Variants in TCAF1 observed in about 807,000 individuals in gnomAD.
The protein encoded by TCAF1 is TRPM8 channel associated factor 1, also known as TRPM8 channel-associated factor 1.
A neutral mutation model predicts 27.3 loss-of-function variants in TCAF1; 4 were observed. That is an observed-to-expected ratio of 0.15 (90% confidence interval 0.07 to 0.34). The LOEUF is 0.34. TCAF1 is among the 10% of genes least tolerant of loss of function. The pLI is 1.00. For missense variants in TCAF1, 257 were observed against 425.8 expected (o/e 0.60, Z 3.49); for synonymous variants, 105 against 167.1 (o/e 0.63, Z 2.87).
At chr7:143,875,035 T>G (rs916742674) in intron 2 of TCAF1, among the ~76,000 whole-genome samples, 1 of 152,202 alleles carries the variant, frequency 6.6e-6, no homozygotes, top group Admixed American at 6.5e-5. Context: ...CTATTCTGGT[T>G]GATCTTCCTA....
chr7:143,895,181 C>T (rs1044174466), intron 1 of TCAF1, among the ~76,000 whole-genome samples: 1 of 151,566 alleles, frequency 6.6e-6, no homozygotes, highest in African/African-American at 2.4e-5. Flanking sequence ...TTTAGGCTGA[C>T]CAGATGTATG....
chr7:143,879,909 G>C (rs913293401), intron 1 of TCAF1, among the ~76,000 whole-genome samples: 6 of 152,040 alleles, frequency 3.9e-5, no homozygotes, highest in African/African-American at 1.5e-4. Context: ...ACGCTGGCAC[G>C]AGTACAAGCA....
chr7:143,880,979 C>T (rs563269717), intron 1 of TCAF1, among the ~76,000 whole-genome samples: 1 of 152,320 alleles, frequency 6.6e-6, no homozygotes, highest in East Asian at 1.9e-4. Flanking sequence ...CCTCTGGCCC[C>T]TTTTAGCTTG....
chr7:143,860,048 T>TA (rs1811938404), intron 6 of TCAF1, among the ~76,000 whole-genome samples, 160 bp downstream of exon 6: 2 of 85,458 alleles, frequency 2.3e-5, no homozygotes, highest in African/African-American at 9.6e-5. Flanking sequence ...ATATATAATA[T>TA]ATATTATATA....
chr7:143,883,297 G>C (rs1041308966), intron 1 of TCAF1, among the ~76,000 whole-genome samples: 1 of 152,034 alleles, frequency 6.6e-6, no homozygotes, highest in African/African-American at 2.4e-5. Flanking sequence ...ATTATGGTGG[G>C]GAGAAGGGAA....
At chr7:143,875,832 A>G (rs1812663605) in intron 2 of TCAF1, among the ~76,000 whole-genome samples, 157 bp downstream of exon 2, 5 of 152,142 alleles carry the variant, frequency 3.3e-5, no homozygotes, top group Admixed American at 6.5e-5. Flanking sequence ...TGCCCCTCCT[A>G]TGTCTCAGGG....
chr7:143,859,967 T>A (rs1346378533), intron 6 of TCAF1, among the ~76,000 whole-genome samples: 8 of 48,324 alleles, frequency 1.7e-4, no homozygotes, highest in East Asian at 9.0e-4. Context: ...GGAATATATA[T>A]TATATAATAT....
intron 1 of TCAF1, chr7:143,882,193 AACAC>A (rs35872468): frequency 0.31 from 46,035 of 150,142 alleles, 6,949 homozygotes; most frequent in East Asian, 0.37. Flanking sequence ...CATGCGCGTA[AACAC>A]ACACACACAC....
chr7:143,890,274 G>A (rs1813583993), intron 1 of TCAF1, among the ~76,000 whole-genome samples: 2 of 152,112 alleles, frequency 1.3e-5, no homozygotes, highest in South Asian at 4.1e-4. Flanking sequence ...AGTGCTGGGA[G>A]AAGGGCACCC....
chr7:143,888,131 A>G (rs1300186226), intron 1 of TCAF1, among the ~76,000 whole-genome samples: 1 of 152,238 alleles, frequency 6.6e-6, no homozygotes, highest in African/African-American at 2.4e-5. Flanking sequence ...ATAATGTTTT[A>G]GTTCTAGGAA....
At chr7:143,885,355 T>A (rs933909537) in intron 1 of TCAF1, 1 of 983,076 alleles carries the variant, frequency 1.0e-6, no homozygotes, top group Admixed American at 6.2e-5. Context: ...GGAGGTGGGC[T>A]GCAGTGCAGA....
At chr7:143,882,926 C>T (rs1813156279) in intron 1 of TCAF1, 1 of 959,514 alleles carries the variant, frequency 1.0e-6, no homozygotes, top group Non-Finnish European at 1.2e-6. Context: ...CACTTCCTCC[C>T]AGGCTGGAGT....
chr7:143,883,500 C>CTTTTTTTTTTTTTTTTTTT (rs374825743), intron 1 of TCAF1, among the ~76,000 whole-genome samples: 1 of 98,092 alleles, frequency 1.0e-5, no homozygotes, highest in African/African-American at 4.2e-5. Context: ...TTTCCTTTTT[C>CTTTTTTTTTTTTTTTTTTT]TTTTTTTTTT....
At chr7:143,888,174 G>A (rs1335126549) in intron 1 of TCAF1, among the ~76,000 whole-genome samples, 1 of 152,098 alleles carries the variant, frequency 6.6e-6, no homozygotes, top group Non-Finnish European at 1.5e-5. Flanking sequence ...TACTACTGAT[G>A]CAAACAACAT....
intron 1 of TCAF1, among the ~76,000 whole-genome samples, chr7:143,880,473 A>C (rs1812955331): frequency 6.6e-6 from 1 of 152,194 alleles, no homozygotes. Context: ...AATCACATTG[A>C]TTACATTAGG....
intron 1 of TCAF1, chr7:143,882,686 G>A (rs1813137878): frequency 2.1e-6 from 2 of 945,278 alleles, no homozygotes; most frequent in South Asian, 5.1e-5. Context: ...CGAGTCCACC[G>A]TTGCTGGCCC....
intron 2 of TCAF1, among the ~76,000 whole-genome samples, chr7:143,875,715 C>A (rs1037725513): frequency 6.6e-6 from 1 of 152,182 alleles, no homozygotes; most frequent in Non-Finnish European, 1.5e-5. Flanking sequence ...TTGGGGCCAA[C>A]AGCACAGTTT....
In TCAF1 at chr7:143,889,758, G is replaced by A. The variant is rs1005800540; in HGVS notation, c.-15+12203C>T. Reference sequence around the variant, plus strand: ...GGAAGACCAAAGAATGATAACATTTGCTTATTACTGTAGTGCTCTGAGAAA... The same window carrying A: ...GGAAGACCAAAGAATGATAACATTTACTTATTACTGTAGTGCTCTGAGAAA... On this transcript the variant is annotated intron_variant, in intron 1 of 8. Coordinates refer to ENST00000479870, the MANE Select transcript of TCAF1 (RefSeq NM_014719.3). 2.0e-5 allele frequency among the ~76,000 whole-genome samples: 3 copies of A among 152,198 alleles called. No homozygotes were observed. In the South Asian group the frequency reaches 6.2e-4, roughly 31 times the overall value.
intron 1 of TCAF1, among the ~76,000 whole-genome samples, chr7:143,879,043 C>T (rs1285945571): frequency 6.6e-6 from 1 of 152,178 alleles, no homozygotes; most frequent in African/African-American, 2.4e-5. Context: ...TGCTCCCTGG[C>T]TTTTCCTGCC....
Sources: gnomAD v4.1 joint callset for allele counts (sites outside exome capture counted in the v4.1 genomes callset) on GRCh38, gnomAD v4.1.1 for gene constraint, MANE v1.5 for transcripts, NCBI Gene and HGNC (gene_info 2026-07-23, HGNC 2026-07-21) for gene names.